Variants in GALNT14 observed in about 807,000 individuals in gnomAD.
The protein encoded by GALNT14 is polypeptide N-acetylgalactosaminyltransferase 14.
GALNT14 carries 60 observed loss-of-function variants against 77.5 expected under a neutral mutation model. The ratio of observed to expected loss-of-function variants is 0.77; its 90% CI spans 0.63 to 0.96. The LOEUF (loss-of-function observed/expected upper bound fraction) is 0.96. GALNT14 is among the 40% of genes least tolerant of loss of function. GALNT14 has a pLI of 0.00. For synonymous variants in GALNT14, 280 were observed against 281.7 expected (o/e 0.99, Z 0.06); for missense variants, 710 against 731.0 (o/e 0.97, Z 0.33).
At chr2:31,091,080 T>C (rs1676714136) in intron 1 of GALNT14, among the ~76,000 whole-genome samples, 1 of 152,170 alleles carries the variant, frequency 6.6e-6, no homozygotes, top group Non-Finnish European at 1.5e-5. Context: ...TGAAAGAAAC[T>C]GGGTTTGCTT....
At chr2:30,999,203 C>T (rs1405952363) in intron 1 of GALNT14, among the ~76,000 whole-genome samples, 1 of 152,220 alleles carries the variant, frequency 6.6e-6, no homozygotes. Context: ...CATGCCACTG[C>T]CCCATGGACA....
chr2:31,056,657 C>T lies in GALNT14; in HGVS notation c.130-63650G>A, dbSNP rs111388651. Reference sequence around the variant, plus strand: ...GAATAGCACTTATAAATGCAAAAAACAAGATGCATAGTATTATAAAGGACA... The same window carrying T: ...GAATAGCACTTATAAATGCAAAAAATAAGATGCATAGTATTATAAAGGACA... On this transcript the variant is annotated intron_variant, in intron 1 of 14. Coordinates refer to ENST00000349752, the MANE Select transcript of GALNT14 (RefSeq NM_024572.4). Among the ~76,000 whole-genome samples, 1,233 of 152,262 alleles carry T rather than the reference C, an allele frequency of 8.1e-3. 13 individuals carry two copies. The highest frequency in any genetic ancestry group is 0.028 in the African/African-American group (1,158 of 41,548).
At chr2:31,005,935 G>A (rs527979926) in intron 1 of GALNT14, among the ~76,000 whole-genome samples, 4 of 152,350 alleles carry the variant, frequency 2.6e-5, no homozygotes, top group African/African-American at 9.6e-5. Flanking sequence ...AGTGGGGGCT[G>A]GAGCCAGCAC....
chr2:31,035,618 T>TACACAC lies in GALNT14; in HGVS notation c.130-42617_130-42612dup, dbSNP rs530565205. On this transcript the variant is annotated intron_variant, in intron 1 of 14. Transcript: ENST00000349752. ...ATACATATACACACACACACACACCTACACACACACACACACACACACACA... is the reference window on the plus strand; with the variant it reads ...ATACATATACACACACACACACACCTACACACACACACACACACACACACACACACA... Among the ~76,000 whole-genome samples the TACACAC allele has an allele frequency of 3.1e-3, 161 of 51,284 alleles. 3 individuals carry two copies. Among genetic ancestry groups the TACACAC allele is most frequent in the Middle Eastern group, 0.021 (2 of 96 alleles). The allele number at this position is 51,284 out of a possible 152,430, so 33.6% of individuals were successfully genotyped here.
intron 1 of GALNT14, among the ~76,000 whole-genome samples, chr2:31,027,005 G>A (rs191072369): frequency 6.6e-6 from 1 of 152,264 alleles, no homozygotes; most frequent in East Asian, 1.9e-4. Flanking sequence ...TTCTCCTTCT[G>A]TCTCATGCCT....
At chr2:30,961,931 G>A (rs1573043694) in intron 3 of GALNT14, among the ~76,000 whole-genome samples, 1 of 152,056 alleles carries the variant, frequency 6.6e-6, no homozygotes, top group Non-Finnish European at 1.5e-5. Context: ...GACATCAGGT[G>A]ATCTGCACAC....
chr2:30,976,621 ATGTG>A (rs907270186), intron 2 of GALNT14, among the ~76,000 whole-genome samples: 1 of 139,790 alleles, frequency 7.2e-6, no homozygotes, highest in Admixed American at 6.9e-5. Flanking sequence ...GCGTGTGTGT[ATGTG>A]TGTGTGTGTG....
rs764101684 is a variant in GALNT14, at chr2:31,137,958, C to T, written c.129G>A (p.Lys43=). ...VPTGPEVQTP[K]PSDADWDDLW... The stretch of plus-strand genomic sequence containing the variant: ...GCCAGCGCGCCGGCAAGCCGCCTAC[C>T]TTAGGGGTCTGCACTTCAGGTCCCG... Residue 43 remains lysine (K), a splice_region_variant and synonymous_variant, in exon 1 of 15, where the codon AAG becomes AAA. Transcript: ENST00000349752. 6.2e-7 allele frequency: 1 copy of T among 1,612,084 alleles called. No homozygotes were observed. Among genetic ancestry groups the T allele is most frequent in the South Asian group, 1.1e-5 (1 of 90,902 alleles).
At chr2:31,041,115 A>C (rs1673067507) in intron 1 of GALNT14, among the ~76,000 whole-genome samples, 1 of 152,188 alleles carries the variant, frequency 6.6e-6, no homozygotes, top group Non-Finnish European at 1.5e-5. Context: ...GTCAATAATA[A>C]AACATCAATA....
chr2:30,930,250 T>C (rs531413410), intron 10 of GALNT14, among the ~76,000 whole-genome samples: 4 of 152,326 alleles, frequency 2.6e-5, no homozygotes, highest in African/African-American at 9.6e-5. Flanking sequence ...CTTCTGGCTG[T>C]CCTCGGGCTC....
chr2:30,935,817 A>G (rs1374864192), intron 9 of GALNT14, among the ~76,000 whole-genome samples: 1 of 152,110 alleles, frequency 6.6e-6, no homozygotes, highest in Non-Finnish European at 1.5e-5. Flanking sequence ...AGGTCCTGTG[A>G]AGGGGGCTTG....
At chr2:31,074,653 T>C (rs527843648) in intron 1 of GALNT14, among the ~76,000 whole-genome samples, 248 of 152,020 alleles carry the variant, frequency 1.6e-3, no homozygotes, top group Middle Eastern at 6.8e-3. Context: ...TAGGCAGTGG[T>C]AGAGTTCTAA....
At chr2:31,099,478 T>C (rs1245232494) in intron 1 of GALNT14, among the ~76,000 whole-genome samples, 1 of 152,068 alleles carries the variant, frequency 6.6e-6, no homozygotes, top group Non-Finnish European at 1.5e-5. Context: ...GATTTAAGTC[T>C]TGGTTAGAAA....
At chr2:31,120,789 T>G (rs1231515482) in intron 1 of GALNT14, among the ~76,000 whole-genome samples, 1 of 152,208 alleles carries the variant, frequency 6.6e-6, no homozygotes, top group Non-Finnish European at 1.5e-5. Context: ...ACTCCTGACC[T>G]CTGGTGACCC....
At chr2:30,957,807 C>T (rs549414254) in intron 4 of GALNT14, among the ~76,000 whole-genome samples, 1 of 152,328 alleles carries the variant, frequency 6.6e-6, no homozygotes, top group African/African-American at 2.4e-5. Context: ...TTATGATTGA[C>T]TGCACAGAAC....
At chr2:30,957,058 G>C (rs917831639) in intron 4 of GALNT14, among the ~76,000 whole-genome samples, 1 of 151,988 alleles carries the variant, frequency 6.6e-6, no homozygotes, top group African/African-American at 2.4e-5. Flanking sequence ...TCACTCCTTT[G>C]GTTCACCAGC....
intron 1 of GALNT14, among the ~76,000 whole-genome samples, chr2:31,049,796 G>T (rs1424934217): frequency 6.6e-6 from 1 of 152,188 alleles, no homozygotes; most frequent in Non-Finnish European, 1.5e-5. Flanking sequence ...ATTCCCTTCT[G>T]ACTGCACATT....
downstream of GALNT14, among the ~76,000 whole-genome samples, chr2:30,906,170 C>T (rs1207574968): frequency 1.3e-5 from 2 of 149,586 alleles, no homozygotes; most frequent in Non-Finnish European, 3.0e-5. Flanking sequence ...GCAAAATAAC[C>T]AGCTAACATC....
chr2:31,041,792 G>T (rs923294746), intron 1 of GALNT14, among the ~76,000 whole-genome samples: 8 of 152,178 alleles, frequency 5.3e-5, no homozygotes, highest in African/African-American at 1.7e-4. Flanking sequence ...GAAGCCCATT[G>T]CAATGTCTTG....
Sources: allele counts gnomAD v4.1 joint callset (sites outside exome capture counted in the v4.1 genomes callset), GRCh38; gene constraint gnomAD v4.1.1; transcripts MANE v1.5; gene names NCBI Gene and HGNC (gene_info 2026-07-23, HGNC 2026-07-21).